RASGRF2: variants seen among roughly 807,000 people sequenced by gnomAD.
RASGRF2 encodes the protein ras-specific guanine nucleotide-releasing factor 2.
In RASGRF2, 76 loss-of-function variants were observed where a neutral mutation model predicts 151.0. The ratio of observed to expected loss-of-function variants is 0.50; its 90% CI spans 0.42 to 0.61. The LOEUF (loss-of-function observed/expected upper bound fraction) is 0.61. Ranked by LOEUF, RASGRF2 falls within the 20% of genes least tolerant of loss-of-function variation. The probability of loss-of-function intolerance (pLI) is 0.00; values close to 1 mark genes in which losing one functional copy is unlikely to be tolerated. For missense variants in RASGRF2, 1,148 were observed against 1,564.6 expected (o/e 0.73, Z 4.49); for synonymous variants, 504 against 566.5 (o/e 0.89, Z 1.57).
chr5:81,087,734 T>C (rs2112491380), intron 9 of RASGRF2: 1 of 247,578 alleles, frequency 4.0e-6, no homozygotes, highest in East Asian at 8.3e-5. Context: ...TTTGAGACAA[T>C]ATATTGCACA....
chr5:81,046,355 A>G (rs1241781776), intron 2 of RASGRF2, among the ~76,000 whole-genome samples: 1 of 151,920 alleles, frequency 6.6e-6, no homozygotes, highest in Non-Finnish European at 1.5e-5. Context: ...GGGATGTCCC[A>G]TTGCATGTTT....
In RASGRF2 at chr5:81,094,185, A is replaced by G. The variant is rs1752471307; in HGVS notation, c.1552-111A>G. The G allele has an allele frequency of 5.2e-6, 4 of 775,254 alleles. No individual in the cohort carries two copies. The East Asian group carries it at 1.2e-4, about 22-fold the overall frequency. 48.0% of individuals were successfully genotyped at this position (775,254 alleles called of 1,614,324 possible). A position where few individuals can be genotyped will look rare whatever the true frequency, so the allele number is the denominator to read the frequency against. The stretch of plus-strand genomic sequence containing the variant: ...CTCTATGAAAAATTATTTATGATGC[A>G]GAATTGCTATGCTTTCTTCCATGGC... On this transcript the variant is annotated intron_variant, in intron 10 of 26. Coordinates refer to ENST00000265080, the MANE Select transcript of RASGRF2 (RefSeq NM_006909.3).
At chr5:81,136,193 A>AG (rs1753749239) in intron 17 of RASGRF2, among the ~76,000 whole-genome samples, 1 of 152,124 alleles carries the variant, frequency 6.6e-6, no homozygotes, top group Non-Finnish European at 1.5e-5. Flanking sequence ...AATAAGAAAA[A>AG]CAAAAGATTT....
intron 18 of RASGRF2, among the ~76,000 whole-genome samples, chr5:81,195,798 G>T (rs1755251934): frequency 1.3e-5 from 2 of 152,102 alleles, no homozygotes; most frequent in Non-Finnish European, 2.9e-5. Context: ...GACTACGAAG[G>T]AGTCAGAAGG....
chr5:81,074,427 A>C (rs146439559), intron 5 of RASGRF2, among the ~76,000 whole-genome samples: 1 of 152,340 alleles, frequency 6.6e-6, no homozygotes, highest in East Asian at 1.9e-4. Context: ...TCAAAATAAC[A>C]TGAAAACAGC....
chr5:81,212,851 C>T (rs11958318), intron 23 of RASGRF2, among the ~76,000 whole-genome samples: 75,988 of 151,936 alleles, frequency 0.5, 19,550 homozygotes, highest in Admixed American at 0.61. Flanking sequence ...TGATTTTGAG[C>T]AAGCACACTT....
chr5:81,073,184 T>C lies in RASGRF2; in HGVS notation c.634-15T>C, dbSNP rs542449309. On this transcript the variant is annotated splice_polypyrimidine_tract_variant and intron_variant, in intron 4 of 26. Coordinates refer to ENST00000265080, the MANE Select transcript of RASGRF2 (RefSeq NM_006909.3). ...TGTAACTAGTCAGATTCCTTTCTGA[T>C]TTTTTGTTCTGTAGGTTCAGAGCTT... 19 of 1,603,240 alleles carry C rather than the reference T, an allele frequency of 1.2e-5. No homozygotes were observed. Among genetic ancestry groups the C allele is most frequent in the Non-Finnish European group, 1.6e-5 (19 of 1,172,452 alleles).
intron 2 of RASGRF2, among the ~76,000 whole-genome samples, chr5:81,043,912 C>T (rs945783313): frequency 6.6e-6 from 1 of 152,224 alleles, no homozygotes; most frequent in Non-Finnish European, 1.5e-5. Flanking sequence ...ATGGCTGCAG[C>T]ACTTGCATTG....
At chr5:81,018,200 TC>T (rs1298978527) in intron 1 of RASGRF2, among the ~76,000 whole-genome samples, 2 of 151,990 alleles carry the variant, frequency 1.3e-5, no homozygotes, top group African/African-American at 4.8e-5. Context: ...GGCACAATGA[TC>T]AGCTGGGATA....
chr5:81,060,371 G>A (rs1424439366), intron 2 of RASGRF2, among the ~76,000 whole-genome samples: 1 of 152,140 alleles, frequency 6.6e-6, no homozygotes, highest in Admixed American at 6.5e-5. Flanking sequence ...AGCCACGCAT[G>A]TCCCTGCTTC....
chr5:81,079,504 T>C (rs1020598285), intron 5 of RASGRF2, among the ~76,000 whole-genome samples: 2 of 111,494 alleles, frequency 1.8e-5, no homozygotes, highest in Non-Finnish European at 4.1e-5. Context: ...TTAATTCCAA[T>C]GAGGAGAAAG....
chr5:81,197,337 TC>T (rs1219424296), intron 18 of RASGRF2, among the ~76,000 whole-genome samples: 5 of 150,840 alleles, frequency 3.3e-5, no homozygotes, highest in South Asian at 2.1e-4. Flanking sequence ...GCGCCTGTAG[TC>T]CCAGCTACTC....
rs541501777 is a variant in RASGRF2, at chr5:81,008,653, G to A, written c.289-34224G>A. ...AAAATAAGATGGTTGATAAAATAAT[G>A]GATAAAATGGATTCCTCCCCTCTTC... On this transcript the variant is annotated intron_variant, in intron 1 of 26. Coordinates refer to ENST00000265080, the MANE Select transcript of RASGRF2 (RefSeq NM_006909.3). Among the ~76,000 whole-genome samples the A allele has an allele frequency of 4.6e-5, 7 of 152,168 alleles. No homozygotes were observed. In the East Asian group the frequency reaches 1.4e-3, roughly 29 times the overall value.
chr5:81,193,510 C>CTTTTT (rs1755194663), intron 18 of RASGRF2, among the ~76,000 whole-genome samples: 1 of 151,992 alleles, frequency 6.6e-6, no homozygotes, highest in Non-Finnish European at 1.5e-5. Context: ...CTGCTTTTTT[C>CTTTTT]TTTTTTTCTT....
intron 1 of RASGRF2, among the ~76,000 whole-genome samples, chr5:80,979,838 G>T (rs565303512): frequency 2.5e-4 from 38 of 152,300 alleles, no homozygotes; most frequent in African/African-American, 8.4e-4. Flanking sequence ...CTTGGCGTTT[G>T]AGGAGTATGC....
intron 5 of RASGRF2, among the ~76,000 whole-genome samples, chr5:81,077,645 TC>T (rs1236522239): frequency 6.6e-6 from 1 of 152,214 alleles, no homozygotes; most frequent in Non-Finnish European, 1.5e-5. Flanking sequence ...TAGCCCTTGA[TC>T]CTCAGGCAGT....
chr5:81,207,167 C>A, intron 20 of RASGRF2, 79 bp from the exon 21 acceptor site: 2 of 1,179,992 alleles, frequency 1.7e-6, no homozygotes, highest in South Asian at 1.4e-5. Context: ...ACACATGCAG[C>A]TGTCTGCCTC....
At chr5:81,106,319 G>A (rs560784769) in intron 12 of RASGRF2, among the ~76,000 whole-genome samples, 8 of 152,066 alleles carry the variant, frequency 5.3e-5, no homozygotes, top group Admixed American at 1.3e-4. Flanking sequence ...TCTGCCTTAG[G>A]GGAGGTATGA....
At chr5:81,223,026 T>C (rs1755887490) in intron 26 of RASGRF2, among the ~76,000 whole-genome samples, 1 of 152,100 alleles carries the variant, frequency 6.6e-6, no homozygotes, top group African/African-American at 2.4e-5. Context: ...AGCAACAAAA[T>C]CTGTAATGAC....
Sources: allele counts gnomAD v4.1 joint callset (sites outside exome capture counted in the v4.1 genomes callset), GRCh38; gene constraint gnomAD v4.1.1; transcripts MANE v1.5; gene names NCBI Gene and HGNC (gene_info 2026-07-23, HGNC 2026-07-21).